Variants in SPIDR observed in about 807,000 individuals in gnomAD.
SPIDR encodes scaffold protein involved in DNA repair, also known as DNA repair-scaffolding protein.
In SPIDR, 93 loss-of-function variants were observed where a neutral mutation model predicts 104.6. The observed-to-expected ratio is 0.89, with a 90% CI of 0.75 to 1.06. SPIDR has a LOEUF of 1.06. Ranked by LOEUF, SPIDR falls within the 50% of genes least tolerant of loss-of-function variation. The pLI is 0.00. For synonymous variants in SPIDR, 431 were observed against 416.9 expected (o/e 1.03, Z -0.41); for missense variants, 1,154 against 1,111.2 (o/e 1.04, Z -0.55).
At chr8:47,727,154 A>G in intron 16 of SPIDR, 46 bp from the exon 17 acceptor site, 1 of 1,556,800 alleles carries the variant, frequency 6.4e-7, no homozygotes, top group Non-Finnish European at 8.9e-7. Context: ...GGAGTCAGAG[A>G]GGGCAGAGCC....
At chr8:47,729,617 T>C in intron 19 of SPIDR, 152 bp downstream of exon 19, 1 of 794,284 alleles carries the variant, frequency 1.3e-6, no homozygotes, top group South Asian at 1.9e-5. Flanking sequence ...AATGCAGATA[T>C]GTCTGCCATT....
intron 10 of SPIDR, among the ~76,000 whole-genome samples, chr8:47,607,010 C>G (rs1242132304): frequency 2.0e-5 from 3 of 152,196 alleles, no homozygotes; most frequent in Non-Finnish European, 4.4e-5. Flanking sequence ...TATGTACCAC[C>G]ACATACTGCC....
intron 16 of SPIDR, among the ~76,000 whole-genome samples, chr8:47,724,373 A>C (rs1205670093): frequency 6.6e-6 from 1 of 152,228 alleles, no homozygotes; most frequent in Non-Finnish European, 1.5e-5. Context: ...ACTCCTACAC[A>C]GTCCTCAGCC....
chr8:47,302,989 T>G (rs1486296526), intron 5 of SPIDR, among the ~76,000 whole-genome samples: 1 of 152,190 alleles, frequency 6.6e-6, no homozygotes, highest in African/African-American at 2.4e-5. Flanking sequence ...ACAGGTACAT[T>G]TAATTCTGCA....
At chr8:47,647,698 AATG>A (rs1363099355) in intron 10 of SPIDR, among the ~76,000 whole-genome samples, 1 of 92,332 alleles carries the variant, frequency 1.1e-5, no homozygotes, top group African/African-American at 3.7e-5. Flanking sequence ...GAGAGAGAGA[AATG>A]ATGGTTACAA....
intron 8 of SPIDR, among the ~76,000 whole-genome samples, chr8:47,537,320 C>G (rs1001924764): frequency 1.3e-5 from 2 of 152,168 alleles, no homozygotes; most frequent in African/African-American, 4.8e-5. Context: ...CGAGATGTCT[C>G]CAGTAGGTGA....
intron 5 of SPIDR, among the ~76,000 whole-genome samples, chr8:47,375,214 T>C (rs1008056914): frequency 6.7e-6 from 1 of 149,540 alleles, no homozygotes; most frequent in African/African-American, 2.4e-5. Flanking sequence ...GGGAATAGAT[T>C]GAGTTAAGAG....
chr8:47,337,392 A>G (rs1200640637), intron 5 of SPIDR, among the ~76,000 whole-genome samples: 2 of 152,006 alleles, frequency 1.3e-5, no homozygotes, highest in African/African-American at 4.8e-5. Flanking sequence ...CAGCCTCCCA[A>G]AGTGCTGGGA....
At chr8:47,669,185 A>G (rs1006716779) in intron 10 of SPIDR, among the ~76,000 whole-genome samples, 2 of 152,226 alleles carry the variant, frequency 1.3e-5, no homozygotes, top group Non-Finnish European at 2.9e-5. Flanking sequence ...AATTTATGGT[A>G]AATACCTGGC....
chr8:47,570,206 G>A (rs2058349570), intron 8 of SPIDR, among the ~76,000 whole-genome samples: 1 of 152,166 alleles, frequency 6.6e-6, no homozygotes, highest in Non-Finnish European at 1.5e-5. Flanking sequence ...TCAAGACAGT[G>A]TTGACATAAA....
At chr8:47,324,872 C>T (rs117777548) in intron 5 of SPIDR, among the ~76,000 whole-genome samples, 10 of 152,228 alleles carry the variant, frequency 6.6e-5, no homozygotes, top group Non-Finnish European at 8.8e-5. Context: ...GCTGGAAGAT[C>T]GTCTGGGACA....
intron 8 of SPIDR, among the ~76,000 whole-genome samples, chr8:47,464,656 T>TTGTCC (rs782033599): frequency 0.012 from 1,790 of 150,326 alleles, 30 homozygotes; most frequent in African/African-American, 0.038. Flanking sequence ...TTGTCTTGTC[T>TTGTCC]AGTCCTGTCC....
At chr8:47,416,812 T>A (rs546898473) in intron 7 of SPIDR, among the ~76,000 whole-genome samples, 183 of 152,162 alleles carry the variant, frequency 1.2e-3, no homozygotes, top group African/African-American at 4.3e-3. Flanking sequence ...TGTGTGATGT[T>A]CCCCTTCCTG....
chr8:47,443,705 G>T, intron 8 of SPIDR, among the ~76,000 whole-genome samples: 1 of 146,850 alleles, frequency 6.8e-6, no homozygotes. Context: ...TGGACTGGCT[G>T]TCCTTTTCCC....
At position 47,590,683 on chromosome 8, in the gene SPIDR, T is replaced by G. The variant is rs570752101; in HGVS notation, c.1098-5128T>G. Among the ~76,000 whole-genome samples, 128 of 152,332 alleles carry G rather than the reference T, an allele frequency of 8.4e-4. 2 individuals are homozygous for G. The South Asian group carries it at 0.024, about 28-fold the overall frequency. ...TAGAACCTGTTTATTGATGGTGGTGTTGTGCTCTTCTGTATTCTTTCTGAT... is the reference window on the plus strand; with the variant it reads ...TAGAACCTGTTTATTGATGGTGGTGGTGTGCTCTTCTGTATTCTTTCTGAT... On this transcript the variant is annotated intron_variant, in intron 8 of 19. Transcript: ENST00000297423.
intron 8 of SPIDR, among the ~76,000 whole-genome samples, chr8:47,584,583 T>G (rs2060072450): frequency 6.6e-6 from 1 of 152,218 alleles, no homozygotes; most frequent in Non-Finnish European, 1.5e-5. Flanking sequence ...CTTAACACCT[T>G]GGACTGGGCA....
chr8:47,554,745 T>C (rs2091101511), intron 8 of SPIDR, among the ~76,000 whole-genome samples: 1 of 152,174 alleles, frequency 6.6e-6, no homozygotes, highest in Non-Finnish European at 1.5e-5. Flanking sequence ...CTTTGTGGGC[T>C]GCACCCACTG....
intron 5 of SPIDR, among the ~76,000 whole-genome samples, chr8:47,354,883 T>A (rs782075409): frequency 6.6e-6 from 1 of 152,092 alleles, no homozygotes; most frequent in African/African-American, 2.4e-5. Context: ...ACTCAAATGA[T>A]CCTCCTGCCT....
At chr8:47,674,026 A>ATT in intron 11 of SPIDR, 85 bp downstream of exon 11, 8 of 1,476,188 alleles carry the variant, frequency 5.4e-6, no homozygotes, top group Non-Finnish European at 7.2e-6. Flanking sequence ...TATTTTTAAA[A>ATT]TTAAAAGGCA....
Sources: gnomAD v4.1 joint callset for allele counts (sites outside exome capture counted in the v4.1 genomes callset) on GRCh38, gnomAD v4.1.1 for gene constraint, MANE v1.5 for transcripts, NCBI Gene and HGNC (gene_info 2026-07-23, HGNC 2026-07-21) for gene names.